The following TNR variants were observed in gnomAD, a reference collection of about 807,000 sequenced individuals.
The protein encoded by TNR is tenascin R, also known as tenascin-R.
Under a neutral mutation model 150.4 loss-of-function variants are expected in TNR, and 45 were observed. The observed-to-expected ratio is 0.30, with a 90% CI of 0.24 to 0.38. The LOEUF is 0.38. Ranked by LOEUF, TNR falls within the 10% of genes least tolerant of loss-of-function variation. TNR has a pLI of 1.00. For synonymous variants in TNR, 687 were observed against 678.4 expected, an observed-to-expected ratio of 1.01 and a Z score of -0.20; for missense variants, 1,544 against 1,759.1, an observed-to-expected ratio of 0.88 and a Z score of 2.19.
At chr1:175,686,761 A>G (rs1666212959) in intron 1 of TNR, among the ~76,000 whole-genome samples, 1 of 152,058 alleles carries the variant, frequency 6.6e-6, no homozygotes, top group Admixed American at 6.6e-5. Context: ...CTGTTTCTGC[A>G]TTATTTCACT....
chr1:175,462,814 A>G (rs999213782), intron 2 of TNR, among the ~76,000 whole-genome samples: 2 of 152,220 alleles, frequency 1.3e-5, no homozygotes, highest in African/African-American at 4.8e-5. Flanking sequence ...GACATACAGC[A>G]ACAAGACAAG....
intron 1 of TNR, among the ~76,000 whole-genome samples, chr1:175,594,984 G>A (rs1571654222): frequency 6.6e-6 from 1 of 151,978 alleles, no homozygotes; most frequent in East Asian, 1.9e-4. Flanking sequence ...GTCCAACATG[G>A]TGAAACCCTG....
At chr1:175,499,675 A>C (rs1658646690) in intron 2 of TNR, among the ~76,000 whole-genome samples, 1 of 152,226 alleles carries the variant, frequency 6.6e-6, no homozygotes, top group Non-Finnish European at 1.5e-5. Flanking sequence ...CCTTGTAATT[A>C]GTTCATCAAA....
chr1:175,342,407 A>G (rs375933567), intron 18 of TNR, among the ~76,000 whole-genome samples: 2 of 152,176 alleles, frequency 1.3e-5, no homozygotes, highest in African/African-American at 4.8e-5. Context: ...CCCTTTGAGA[A>G]GTTGAAGGTT....
intron 1 of TNR, among the ~76,000 whole-genome samples, chr1:175,603,049 G>C (rs1028611766): frequency 3.3e-5 from 5 of 152,188 alleles, no homozygotes; most frequent in Non-Finnish European, 2.9e-5. Flanking sequence ...ACGTGTGCTA[G>C]TTCTGAGGGG....
At chr1:175,462,198 A>G (rs1656851294) in intron 2 of TNR, among the ~76,000 whole-genome samples, 2 of 152,222 alleles carry the variant, frequency 1.3e-5, no homozygotes, top group Non-Finnish European at 2.9e-5. Context: ...ATTAGGTTGC[A>G]TGGATTCATC....
intron 15 of TNR, among the ~76,000 whole-genome samples, chr1:175,358,896 C>G (rs1000707895): frequency 6.6e-5 from 10 of 152,168 alleles, no homozygotes; most frequent in African/African-American, 1.7e-4. Flanking sequence ...AGCCTGTACT[C>G]TCTGTTTCAA....
At chr1:175,603,937 C>T (rs1275097931) in intron 1 of TNR, among the ~76,000 whole-genome samples, 5 of 152,174 alleles carry the variant, frequency 3.3e-5, no homozygotes, top group Non-Finnish European at 5.9e-5. Context: ...GAAAGGAGTC[C>T]CTTTTATTTT....
intron 1 of TNR, among the ~76,000 whole-genome samples, chr1:175,606,124 T>G (rs1663397151): frequency 6.6e-6 from 1 of 152,238 alleles, no homozygotes; most frequent in East Asian, 1.9e-4. Context: ...CTGGAGATTT[T>G]GGGGCAATAA....
chr1:175,327,919 C>G (rs1201165926), intron 21 of TNR, among the ~76,000 whole-genome samples: 2 of 152,146 alleles, frequency 1.3e-5, no homozygotes, highest in Non-Finnish European at 2.9e-5. Context: ...ACCAGCCTGG[C>G]CAGCATGGCA....
At chr1:175,614,718 CA>C (rs1462972372) in intron 1 of TNR, among the ~76,000 whole-genome samples, 3 of 152,186 alleles carry the variant, frequency 2.0e-5, no homozygotes, top group Admixed American at 2.0e-4. Context: ...TGTTCCTCTC[CA>C]AACACTCCTC....
intron 1 of TNR, among the ~76,000 whole-genome samples, chr1:175,693,759 A>T (rs1473342533): frequency 6.6e-6 from 1 of 152,228 alleles, no homozygotes; most frequent in Non-Finnish European, 1.5e-5. Flanking sequence ...TCTCATTTCC[A>T]GCAATGTGTA....
intron 1 of TNR, among the ~76,000 whole-genome samples, chr1:175,720,085 G>A (rs575408170): frequency 1.3e-5 from 2 of 152,312 alleles, no homozygotes; most frequent in South Asian, 2.1e-4. Flanking sequence ...TAGACTGGAT[G>A]TGTCCCCAAA....
chr1:175,426,880 TAAA>T (rs1557927080), intron 2 of TNR, among the ~76,000 whole-genome samples: 83 of 55,952 alleles, frequency 1.5e-3, no homozygotes, highest in African/African-American at 6.3e-3. Flanking sequence ...ATTATATATA[TAAA>T]ATATAAATAT....
intron 1 of TNR, among the ~76,000 whole-genome samples, chr1:175,532,615 T>C (rs1187599736): frequency 1.3e-5 from 2 of 152,146 alleles, no homozygotes; most frequent in African/African-American, 2.4e-5. Flanking sequence ...ATAATAAACA[T>C]TTATTATCTC....
chr1:175,406,389 T>C lies in TNR; in HGVS notation c.326A>G (p.Glu109Gly), dbSNP rs199544961. The C allele has an allele frequency of 5.8e-5, 94 of 1,614,166 alleles. No homozygotes were observed. The highest frequency in any genetic ancestry group is 7.6e-6 in the Non-Finnish European group (9 of 1,180,030). The change falls in exon 3 of 23, where the codon GAG (glutamate) becomes GGG (glycine). Residue 109 changes from glutamate (E) to glycine (G), a missense_variant. Physicochemically the swap from Glu to Gly is moderately conservative, Grantham distance 98. Transcript: ENST00000367674. ...CCTGTGTGTAAAGGTGACCTGGCTC[T>C]CGTGGTCTGAGGTCTGGCCCATGTA... The part of the protein sequence containing the change: ...AEYMGQTSDH[E>G]SQVTFTHRIN...
intron 1 of TNR, among the ~76,000 whole-genome samples, chr1:175,648,698 AC>A (rs1664872439): frequency 6.6e-6 from 1 of 152,080 alleles, no homozygotes; most frequent in South Asian, 2.1e-4. Flanking sequence ...TCCCATAGTA[AC>A]AAAATGTCTC....
intron 2 of TNR, among the ~76,000 whole-genome samples, chr1:175,501,761 C>G (rs188623451): frequency 6.6e-6 from 1 of 152,080 alleles, no homozygotes; most frequent in Admixed American, 6.6e-5. Context: ...CACCTATTTA[C>G]GTCTAAATTC....
intron 5 of TNR, among the ~76,000 whole-genome samples, 196 bp from the exon 6 acceptor site, chr1:175,394,091 T>A (rs12042417): frequency 0.47 from 71,874 of 152,184 alleles, 17,372 homozygotes; most frequent in East Asian, 0.63. Flanking sequence ...GTGCTCGATG[T>A]TGATGGAATA....
Sources: gnomAD v4.1 joint callset for allele counts (sites outside exome capture counted in the v4.1 genomes callset) on GRCh38, gnomAD v4.1.1 for gene constraint, MANE v1.5 for transcripts, NCBI Gene and HGNC (gene_info 2026-07-23, HGNC 2026-07-21) for gene names.